Variants in IFT56 observed in about 807,000 individuals in gnomAD.
The protein encoded by IFT56 is intraflagellar transport protein 56.
the IFT56 span, chr7:139,190,018 G>A: frequency 6.6e-6 from 1 of 152,198 alleles, no homozygotes; most frequent in Non-Finnish European, 1.5e-5. Context: ...AATTGTTGAT[G>A]ATAATAACAT....
chr7:139,188,311 G>T, the IFT56 span, among the ~76,000 whole-genome samples: 1 of 151,948 alleles, frequency 6.6e-6, no homozygotes, highest in African/African-American at 2.4e-5. Context: ...ATGTTGGCCA[G>T]GCTGGTCTCA....
the IFT56 span, chr7:139,167,021 C>G: frequency 1.8e-6 from 1 of 553,922 alleles, no homozygotes. Context: ...CAGGAAAAGA[C>G]CATATGTATT....
the IFT56 span, among the ~76,000 whole-genome samples, chr7:139,141,247 C>T: frequency 7.9e-6 from 1 of 126,496 alleles, no homozygotes; most frequent in African/African-American, 3.5e-5. Flanking sequence ...GGCGACAGAA[C>T]AAGACTCTGA....
At chr7:139,161,920 A>AT in the IFT56 span, among the ~76,000 whole-genome samples, 1 of 152,346 alleles carries the variant, frequency 6.6e-6, no homozygotes, top group South Asian at 2.1e-4. Context: ...ATTTTTCTGG[A>AT]TAATTATGGG....
chr7:139,179,541 CAT>C, the IFT56 span: 2 of 1,588,634 alleles, frequency 1.3e-6, no homozygotes, highest in African/African-American at 1.3e-5. Flanking sequence ...AAAGCATCCT[CAT>C]GTGTATTCCC....
At chr7:139,172,723 C>T in the IFT56 span, 1 of 626,992 alleles carries the variant, frequency 1.6e-6, no homozygotes, top group Non-Finnish European at 3.1e-6. Flanking sequence ...AATGTTATAC[C>T]CCATAAATGT....
At chr7:139,173,519 G>A in the IFT56 span, 32 of 752,798 alleles carry the variant, frequency 4.3e-5, no homozygotes, top group South Asian at 1.8e-4. Flanking sequence ...GTGAGCCACC[G>A]CACCCGGCAA....
chr7:139,171,433 T>C, the IFT56 span, among the ~76,000 whole-genome samples: 1 of 152,202 alleles, frequency 6.6e-6, no homozygotes, highest in Non-Finnish European at 1.5e-5. Flanking sequence ...TGTACCTGAC[T>C]TCTAATTATA....
the IFT56 span, among the ~76,000 whole-genome samples, chr7:139,137,376 C>T: frequency 2.6e-5 from 4 of 152,148 alleles, no homozygotes; most frequent in Non-Finnish European, 5.9e-5. Flanking sequence ...TAAATATATG[C>T]GTGTGTTAAT....
At chr7:139,186,607 T>C in the IFT56 span, among the ~76,000 whole-genome samples, 4 of 152,086 alleles carry the variant, frequency 2.6e-5, no homozygotes, top group African/African-American at 9.7e-5. Context: ...TCAGTATACA[T>C]CTAAGCATTC....
At chr7:139,175,486 G>A in the IFT56 span, among the ~76,000 whole-genome samples, 6 of 152,096 alleles carry the variant, frequency 3.9e-5, no homozygotes, top group Non-Finnish European at 7.4e-5. Context: ...ATCCATCAAC[G>A]GGTGAAGGAA....
the IFT56 span, among the ~76,000 whole-genome samples, chr7:139,163,160 C>T: frequency 4.6e-5 from 7 of 151,714 alleles, no homozygotes; most frequent in Admixed American, 2.6e-4. Context: ...CTGATTAACA[C>T]GGTGAAACCC....
the IFT56 span, among the ~76,000 whole-genome samples, chr7:139,148,753 C>T: frequency 3.4e-5 from 5 of 147,138 alleles, no homozygotes; most frequent in African/African-American, 1.2e-4. Flanking sequence ...GGCCCCATCT[C>T]TACTAAAAAT....
At chr7:139,166,794 G>C in the IFT56 span, 2 of 1,110,932 alleles carry the variant, frequency 1.8e-6, no homozygotes, top group African/African-American at 3.1e-5. Flanking sequence ...GCTTCAGGAG[G>C]GTTTTCTGGA....
the IFT56 span, chr7:139,168,569 C>CAAAAA: frequency 2.6e-6 from 1 of 379,490 alleles, no homozygotes; most frequent in South Asian, 3.4e-5. Flanking sequence ...TATTTAGAGA[C>CAAAAA]AAAAAAAAAA....
chr7:139,172,484 G>A, the IFT56 span: 2 of 418,552 alleles, frequency 4.8e-6, no homozygotes, highest in Admixed American at 3.3e-5. Context: ...GCTAGATAGA[G>A]GAGTTGTTCT....
chr7:139,186,918 C>T, the IFT56 span, among the ~76,000 whole-genome samples: 5 of 149,936 alleles, frequency 3.3e-5, no homozygotes, highest in African/African-American at 1.3e-4. Context: ...CAAGGTGAAA[C>T]CCCGTCTCTA....
chr7:139,180,852 C>T, the IFT56 span, among the ~76,000 whole-genome samples: 1 of 152,166 alleles, frequency 6.6e-6, no homozygotes, highest in African/African-American at 2.4e-5. Context: ...AAAGTAGGAA[C>T]TACCAGAAGT....
At chr7:139,189,480 G>A in the IFT56 span, 17 of 1,315,068 alleles carry the variant, frequency 1.3e-5, no homozygotes, top group Non-Finnish European at 1.7e-5. Flanking sequence ...ACATAAAACT[G>A]GAAATCATTT....
Sources: gnomAD v4.1 joint callset for allele counts (sites outside exome capture counted in the v4.1 genomes callset) on GRCh38, gnomAD v4.1.1 for gene constraint, MANE v1.5 for transcripts, NCBI Gene and HGNC (gene_info 2026-07-23, HGNC 2026-07-21) for gene names.